The following UBR3 variants were observed in gnomAD, a reference collection of about 807,000 sequenced individuals.
UBR3 encodes ubiquitin protein ligase E3 component n-recognin 3.
Under a neutral mutation model 243.2 loss-of-function variants are expected in UBR3, and 85 were observed. That is an observed-to-expected ratio of 0.35 (90% CI 0.29 to 0.42). The LOEUF (loss-of-function observed/expected upper bound fraction) is 0.42. Ranked by LOEUF, UBR3 falls within the 10% of genes least tolerant of loss-of-function variation. UBR3 has a pLI of 1.00. For synonymous variants in UBR3, 748 were observed against 799.8 expected, an observed-to-expected ratio of 0.94 and a Z score of 1.09; for missense variants, 1,686 against 2,300.8, an observed-to-expected ratio of 0.73 and a Z score of 5.47.
intron 10 of UBR3, among the ~76,000 whole-genome samples, chr2:169,913,679 G>T (rs1191303821): frequency 2.0e-5 from 3 of 151,946 alleles, no homozygotes; most frequent in African/African-American, 7.3e-5. Context: ...TACAACTGTC[G>T]CTACTATCCA....
At chr2:169,984,902 T>C (rs1415973612) in intron 24 of UBR3, among the ~76,000 whole-genome samples, 1 of 152,166 alleles carries the variant, frequency 6.6e-6, no homozygotes, top group Non-Finnish European at 1.5e-5. Flanking sequence ...CATTGAAGAT[T>C]GTCATTGAAG....
chr2:169,997,564 G>T (rs979906046), intron 26 of UBR3, among the ~76,000 whole-genome samples: 1 of 151,938 alleles, frequency 6.6e-6, no homozygotes, highest in African/African-American at 2.4e-5. Flanking sequence ...TTTCATTTCC[G>T]CTACCCACAG....
intron 29 of UBR3, chr2:170,013,907 A>G (rs1461628387): frequency 2.1e-6 from 1 of 470,342 alleles, no homozygotes; most frequent in South Asian, 1.6e-5. Context: ...TGATGAAGGA[A>G]CACATGCTGG....
chr2:169,838,384 CAT>C (rs1491314957), intron 1 of UBR3, among the ~76,000 whole-genome samples: 18 of 133,632 alleles, frequency 1.3e-4, no homozygotes, highest in African/African-American at 4.9e-4. Context: ...AAGATTAAGG[CAT>C]TTGTGTGTGT....
At position 169,988,661 on chromosome 2, in the gene UBR3, G is replaced by A. The variant is rs533720159; in HGVS notation, c.3784+1867G>A. On this transcript the variant is annotated intron_variant, in intron 25 of 38. Coordinates refer to ENST00000272793, the MANE Select transcript of UBR3 (RefSeq NM_172070.4). Reference sequence around the variant, plus strand: ...CTCTACAAAAAGTAAAATTAGACAGGTGTGGTGATGTGCACCTGTGGTCCC... The same window carrying A: ...CTCTACAAAAAGTAAAATTAGACAGATGTGGTGATGTGCACCTGTGGTCCC... Among the ~76,000 whole-genome samples, 114 of 152,002 alleles carry A rather than the reference G, an allele frequency of 7.5e-4. 1 individual carries two copies. In the Middle Eastern group the frequency reaches 0.017, roughly 23 times the overall value.
chr2:169,982,372 C>A (rs748785963), intron 24 of UBR3, among the ~76,000 whole-genome samples: 7 of 151,804 alleles, frequency 4.6e-5, no homozygotes, highest in Non-Finnish European at 1.0e-4. Flanking sequence ...TTAAATTAAT[C>A]TAATTAATTT....
intron 31 of UBR3, among the ~76,000 whole-genome samples, chr2:170,037,816 C>T (rs1020045226): frequency 6.6e-6 from 1 of 151,960 alleles, no homozygotes; most frequent in African/African-American, 2.4e-5. Context: ...TTGTTTTATT[C>T]TGTTGTATGC....
In UBR3 at chr2:169,942,579, T is replaced by G. The variant is rs774117941; in HGVS notation, c.2750T>G (p.Met917Arg). The change falls in exon 20 of 39, where the codon ATG (methionine) becomes AGG (arginine). Residue 917 changes from methionine (M) to arginine (R), a missense_variant. Coordinates refer to ENST00000272793, the MANE Select transcript of UBR3 (RefSeq NM_172070.4). ...TSLHPSYKGL[M>R]RLLHCKTLHI... ...CTCCATCCTAGCTATAAAGGTCTTA[T>G]GAGACTTTTGCACTGTAAAACTTTA... 1 of 1,550,584 alleles carries G rather than the reference T, an allele frequency of 6.4e-7. No homozygotes were observed. Among genetic ancestry groups the G allele is most frequent in the Non-Finnish European group, 8.7e-7 (1 of 1,146,702 alleles).
At chr2:170,022,324 G>A (rs2090413460) in intron 30 of UBR3, among the ~76,000 whole-genome samples, 1 of 152,142 alleles carries the variant, frequency 6.6e-6, no homozygotes, top group Non-Finnish European at 1.5e-5. Flanking sequence ...CGGGAGGCAG[G>A]AGAGGAACAC....
At chr2:170,067,365 TTA>T (rs775846077) in intron 35 of UBR3, among the ~76,000 whole-genome samples, 323 of 152,238 alleles carry the variant, frequency 2.1e-3, no homozygotes, top group Non-Finnish European at 2.9e-3. Flanking sequence ...GTGCCCCAAA[TTA>T]TATAAACAAA....
intron 1 of UBR3, among the ~76,000 whole-genome samples, chr2:169,865,548 G>A (rs543760331): frequency 9.5e-4 from 145 of 152,126 alleles, no homozygotes; most frequent in African/African-American, 3.4e-3. Flanking sequence ...TAGCTACTTG[G>A]TACTCTGTTC....
intron 37 of UBR3, chr2:170,080,316 C>G (rs911494012): frequency 1.7e-6 from 1 of 582,216 alleles, no homozygotes; most frequent in Non-Finnish European, 2.9e-6. Context: ...GTTGAAGATA[C>G]TAGACTCTGA....
intron 20 of UBR3, among the ~76,000 whole-genome samples, chr2:169,943,064 A>G (rs1248886231): frequency 6.6e-6 from 1 of 152,178 alleles, no homozygotes; most frequent in Non-Finnish European, 1.5e-5. Context: ...GTGACGTGGA[A>G]GGATTTGAGT....
At chr2:169,888,109 CTTTATTTATTTATTTATTTAT>C (rs1177855343) in intron 5 of UBR3, among the ~76,000 whole-genome samples, 2 of 138,692 alleles carry the variant, frequency 1.4e-5, no homozygotes. Flanking sequence ...TGTGTTATGA[CTTTATTTATTTATTTATTTAT>C]TTATTTATTT....
At chr2:170,004,334 A>G (rs1428243121) in intron 27 of UBR3, among the ~76,000 whole-genome samples, 1 of 152,202 alleles carries the variant, frequency 6.6e-6, no homozygotes, top group African/African-American at 2.4e-5. Context: ...TGGAAATAAC[A>G]AAGTCTCACA....
chr2:170,064,034 T>C (rs2091504283), intron 35 of UBR3, among the ~76,000 whole-genome samples: 1 of 152,216 alleles, frequency 6.6e-6, no homozygotes, highest in Non-Finnish European at 1.5e-5. Context: ...CAGTGTGTAA[T>C]GTTTGGCAGT....
At chr2:169,917,988 C>T (rs1349531910) in intron 11 of UBR3, among the ~76,000 whole-genome samples, 1 of 152,238 alleles carries the variant, frequency 6.6e-6, no homozygotes. Context: ...CAGGCACGAG[C>T]CACTGTGCTG....
At chr2:169,891,006 A>G (rs754438814) in intron 5 of UBR3, among the ~76,000 whole-genome samples, 159 bp from the exon 6 acceptor site, 10 of 141,126 alleles carry the variant, frequency 7.1e-5, no homozygotes, top group Non-Finnish European at 1.5e-4. Context: ...TAAAATCAAA[A>G]TTAACACTAA....
intron 31 of UBR3, 69 bp downstream of exon 31, chr2:170,029,517 G>T: frequency 8.1e-7 from 1 of 1,231,538 alleles, no homozygotes; most frequent in Non-Finnish European, 1.1e-6. Context: ...ATATAAAAAT[G>T]GAATTGAAAT....
Sources: gnomAD v4.1 joint callset for allele counts (sites outside exome capture counted in the v4.1 genomes callset) on GRCh38, gnomAD v4.1.1 for gene constraint, MANE v1.5 for transcripts, NCBI Gene and HGNC (gene_info 2026-07-23, HGNC 2026-07-21) for gene names.